BTG3: variants seen among roughly 807,000 people sequenced by gnomAD.
The protein encoded by BTG3 is protein BTG3.
In BTG3, 4 loss-of-function variants were observed where a neutral mutation model predicts 25.8. The observed-to-expected ratio is 0.16, with a 90% CI of 0.08 to 0.36. The LOEUF is 0.36. BTG3 is among the 10% of genes least tolerant of loss of function. BTG3 has a pLI of 1.00. For missense variants in BTG3, 201 were observed against 304.9 expected, an observed-to-expected ratio of 0.66 and a Z score of 2.54; for synonymous variants, 107 against 99.9, an observed-to-expected ratio of 1.07 and a Z score of -0.42.
At chr21:17,604,541 C>CA (rs1275095305) in intron 3 of BTG3, among the ~76,000 whole-genome samples, 1 of 152,152 alleles carries the variant, frequency 6.6e-6, no homozygotes, top group Non-Finnish European at 1.5e-5. Context: ...AATTTGAAGA[C>CA]AGACAAGTGC....
In BTG3 at chr21:17,593,859, A is replaced by G. The variant is rs2061467520; in HGVS notation, c.*234T>C. ...CACAATATATAAATACTCAAGTCCA[A>G]TATTAAAAACTTAGGCACTTGACTA... On this transcript the variant is annotated 3_prime_UTR_variant, in exon 5 of 5. Transcript: ENST00000348354. 2 of 511,032 alleles carry G rather than the reference A, an allele frequency of 3.9e-6. No homozygotes were observed. The highest frequency in any genetic ancestry group is 3.5e-5 in the East Asian group (1 of 28,658). 31.7% of individuals were successfully genotyped at this position (511,032 alleles called of 1,614,324 possible).
chr21:17,599,420 TCCACCCACTTCAG>T (rs908509974), intron 3 of BTG3, among the ~76,000 whole-genome samples: 1 of 150,966 alleles, frequency 6.6e-6, no homozygotes, highest in African/African-American at 2.4e-5. Context: ...GCTCAAGAGA[TCCACCCACTTCAG>T]CTACCCAAAG....
At position 17,598,931 on chromosome 21, in the gene BTG3, T is replaced by C. The variant is rs187836403; in HGVS notation, c.312-107A>G. ...ACATGCCATCAATACAAGGCAAAGA[T>C]TGAATCATCACAGAACTTGACCCTA... On this transcript the variant is annotated intron_variant, in intron 3 of 4. Coordinates refer to ENST00000348354, the MANE Select transcript of BTG3 (RefSeq NM_006806.5). The C allele has an allele frequency of 9.5e-4, 805 of 845,352 alleles. 7 individuals carry two copies. The South Asian group carries it at 0.012, about 13-fold the overall frequency. 52.4% of individuals were successfully genotyped at this position (845,352 alleles called of 1,614,324 possible). A position where few individuals can be genotyped will look rare whatever the true frequency, so the allele number is the denominator to read the frequency against.
At chr21:17,600,899 C>T (rs1040031141) in intron 3 of BTG3, among the ~76,000 whole-genome samples, 14 of 152,140 alleles carry the variant, frequency 9.2e-5, no homozygotes, top group Admixed American at 6.5e-4. Context: ...CGCGGTGGCT[C>T]ATGCCTGTAA....
At chr21:17,598,490 G>T in intron 4 of BTG3, 127 bp downstream of exon 4, 1 of 750,698 alleles carries the variant, frequency 1.3e-6, no homozygotes, top group South Asian at 2.0e-5. Context: ...CCCTTAGCAT[G>T]GGGAAAGGCA....
intron 3 of BTG3, among the ~76,000 whole-genome samples, chr21:17,602,610 G>T (rs2061588546): frequency 6.6e-6 from 1 of 152,028 alleles, no homozygotes; most frequent in Non-Finnish European, 1.5e-5. Flanking sequence ...GACACTCGCA[G>T]GTGATTTCTA....
chr21:17,606,951 C>G (rs554001823), intron 2 of BTG3, among the ~76,000 whole-genome samples: 3 of 152,206 alleles, frequency 2.0e-5, no homozygotes, highest in East Asian at 3.9e-4. Flanking sequence ...TTGCTCTCTA[C>G]AAGTATCTTA....
At chr21:17,598,477 T>C in intron 4 of BTG3, 140 bp downstream of exon 4, 2 of 672,326 alleles carry the variant, frequency 3.0e-6, no homozygotes, top group South Asian at 2.2e-5. Flanking sequence ...GAGAAACAGC[T>C]TTCCCTTAGC....
chr21:17,596,944 T>G (rs2123430611), intron 4 of BTG3, among the ~76,000 whole-genome samples: 1 of 152,234 alleles, frequency 6.6e-6, no homozygotes, highest in African/African-American at 2.4e-5. Context: ...AGAAATTTTG[T>G]TGTCCTTATT....
At chr21:17,597,237 C>T (rs970024182) in intron 4 of BTG3, among the ~76,000 whole-genome samples, 9 of 151,890 alleles carry the variant, frequency 5.9e-5, no homozygotes, top group African/African-American at 2.2e-4. Flanking sequence ...GGTTAATTTG[C>T]TTGTAAAAAA....
chr21:17,595,789 G>C (rs1035397643), intron 4 of BTG3, among the ~76,000 whole-genome samples: 6 of 151,912 alleles, frequency 3.9e-5, no homozygotes, highest in Admixed American at 3.3e-4. Flanking sequence ...GTTTCTTTTG[G>C]TAAATATTTA....
Position 17,612,805 on chromosome 21 carries a change from G to C in BTG3, c.-115C>G, listed in dbSNP as rs1601116444. 6.6e-6 allele frequency: 1 copy of C among 152,192 alleles called. No individual in the cohort carries two copies. Among genetic ancestry groups the C allele is most frequent in the South Asian group, 2.1e-4 (1 of 4,836 alleles). The allele number at this position is 152,192 out of a possible 1,614,324, so 9.4% of individuals were successfully genotyped here. On this transcript the variant is annotated 5_prime_UTR_variant, in exon 1 of 5. Coordinates refer to ENST00000348354, the MANE Select transcript of BTG3 (RefSeq NM_006806.5). The stretch of plus-strand genomic sequence containing the variant: ...ACGGGCCCGCGCTGGGCAACAGGGA[G>C]CGCAGCGAGCCTCGTCCGGCGCGTG...
chr21:17,594,015 G>C lies in BTG3; in HGVS notation c.*78C>G. On this transcript the variant is annotated 3_prime_UTR_variant, in exon 5 of 5. Coordinates refer to ENST00000348354, the MANE Select transcript of BTG3 (RefSeq NM_006806.5). The stretch of plus-strand genomic sequence containing the variant: ...CATCTAACTTCACTACTATTAGTAA[G>C]AACTTTTAACTTTTAATGTGTAGTA... 1.3e-6 allele frequency: 2 copies of C among 1,501,906 alleles called. No homozygotes were observed. The highest frequency in any genetic ancestry group is 2.7e-5 in the South Asian group (2 of 73,266). The allele number at this position is 1,501,906 out of a possible 1,614,324, so 93.0% of individuals were successfully genotyped here.
intron 3 of BTG3, among the ~76,000 whole-genome samples, chr21:17,603,570 T>C (rs2061600726): frequency 6.6e-6 from 1 of 152,190 alleles, no homozygotes; most frequent in Non-Finnish European, 1.5e-5. Flanking sequence ...TAGGAGTACA[T>C]AGTTAGGGTT....
At chr21:17,612,540 C>T in intron 1 of BTG3, 159 bp downstream of exon 1, 1 of 152,074 alleles carries the variant, frequency 6.6e-6, no homozygotes, top group African/African-American at 2.4e-5. Flanking sequence ...GGCGCCGAGC[C>T]GGAGCCCATG....
At chr21:17,594,368 G>GA (rs2061476405) in intron 4 of BTG3, 36 bp from the exon 5 acceptor site, 3 of 1,578,598 alleles carry the variant, frequency 1.9e-6, no homozygotes, top group Admixed American at 3.8e-5. Context: ...TAATTCAAAG[G>GA]AAAAAATCAT....
chr21:17,611,921 G>A (rs1328904459), intron 1 of BTG3: 5 of 152,236 alleles, frequency 3.3e-5, no homozygotes, highest in African/African-American at 4.8e-5. Flanking sequence ...CGTTCCCAAG[G>A]TGGAGGGCGC....
intron 4 of BTG3, among the ~76,000 whole-genome samples, chr21:17,595,105 C>A (rs796313279): frequency 7.2e-5 from 11 of 151,970 alleles, no homozygotes; most frequent in African/African-American, 2.7e-4. Flanking sequence ...TGACAAAGCT[C>A]CCCAGGTGAT....
At chr21:17,595,630 ATAAAT>A (rs1375120420) in intron 4 of BTG3, among the ~76,000 whole-genome samples, 1 of 152,022 alleles carries the variant, frequency 6.6e-6, no homozygotes, top group Non-Finnish European at 1.5e-5. Context: ...AGCAATGACT[ATAAAT>A]TAAATGGTCT....
Sources: gnomAD v4.1 joint callset for allele counts (sites outside exome capture counted in the v4.1 genomes callset) on GRCh38, gnomAD v4.1.1 for gene constraint, MANE v1.5 for transcripts, NCBI Gene and HGNC (gene_info 2026-07-23, HGNC 2026-07-21) for gene names.